Variants in KLHL26 observed in about 807,000 individuals in gnomAD.
KLHL26 encodes kelch like family member 26.
KLHL26 carries 4 observed loss-of-function variants against 7.1 expected under a neutral mutation model. That is an observed-to-expected ratio of 0.56 (90% confidence interval 0.28 to 1.28). The LOEUF is 1.28. Among genes scored for constraint, KLHL26 ranks in the 50% most tolerant of loss-of-function variants. KLHL26 has a pLI of 0.11. For synonymous variants in KLHL26, 465 were observed against 414.1 expected (o/e 1.12, Z -1.49); for missense variants, 896 against 924.6 (o/e 0.97, Z 0.40).
At position 18,668,121 on chromosome 19, in the gene KLHL26, C is replaced by T. The variant is rs544827583; in HGVS notation, c.724C>T (p.Pro242Ser). 6.2e-6 allele frequency: 10 copies of T among 1,601,196 alleles called. No homozygotes were observed. The highest frequency in any genetic ancestry group is 2.2e-5 in the East Asian group (1 of 44,802). The change falls in exon 3 of 3, where the codon CCG becomes TCG. Residue 242 changes from proline (P) to serine (S), a missense_variant. Coordinates refer to ENST00000300976, the MANE Select transcript of KLHL26 (RefSeq NM_018316.3). ...RWLQHDPARR[P>S]RASHVLCHIR... ...GCTGCAGCATGACCCGGCCCGGCGG[C>T]CGCGCGCCAGCCACGTGCTCTGCCA... is the stretch of plus-strand genomic sequence containing the variant.
chr19:18,667,254 TG>T, intron 2 of KLHL26: 1 of 261,894 alleles, frequency 3.8e-6, no homozygotes, highest in South Asian at 4.5e-5. Flanking sequence ...AGGTTGGTCT[TG>T]AACTCCTGAC....
rs960566224 is a variant in KLHL26 at position 18,649,825 on chromosome 19, C to T, written c.83+12688C>T. On this transcript the variant is annotated intron_variant, in intron 1 of 2. Transcript: ENST00000300976. This position sits in a 1 kb window ranked among gnomAD's most constrained non-coding sequence, Gnocchi z 4.0. ...GCACAGAATTCACAGGACTCGTCTC[C>T]AACGGCTGCGCCAGCAATTCCCTAG... 6.6e-6 allele frequency among the ~76,000 whole-genome samples: 1 copy of T among 152,320 alleles called. No individual in the cohort carries two copies. Among genetic ancestry groups the T allele is most frequent in the Middle Eastern group, 3.4e-3 (1 of 294 alleles).
In KLHL26 at chr19:18,668,251, T is replaced by TC; in HGVS notation, c.855dup (p.Asn286GlnfsTer50). ...TGCCGCCAGTATCTGCTGGAGGCCT[T>TC]CAACTACCAGGTGCTGCCCTTCCGG... On this transcript the variant is annotated frameshift_variant, in exon 3 of 3. Coordinates refer to ENST00000300976, the MANE Select transcript of KLHL26 (RefSeq NM_018316.3). LOFTEE classifies it low-confidence loss of function (END_TRUNC). The TC allele has an allele frequency of 6.2e-7, 1 of 1,612,210 alleles. No individual in the cohort carries two copies. The highest frequency in any genetic ancestry group is 8.5e-7 in the Non-Finnish European group (1 of 1,179,864).
At position 18,668,867 on chromosome 19, in the gene KLHL26, C is replaced by A. The variant is rs753544205; in HGVS notation, c.1470C>A (p.Phe490Leu). Residue 490 changes from phenylalanine to leucine, a missense_variant, in exon 3 of 3, where the codon TTC becomes TTA. Coordinates refer to ENST00000300976, the MANE Select transcript of KLHL26 (RefSeq NM_018316.3). The part of the protein sequence containing the change: ...CYDPVADQWE[F>L]KAPMSEPRVL... ...ACCCCGTGGCCGACCAGTGGGAGTT[C>A]AAGGCGCCCATGAGCGAACCCCGCG... is the stretch of plus-strand genomic sequence containing the variant. The A allele has an allele frequency of 1.3e-6, 2 of 1,593,538 alleles. No homozygotes were observed. Among genetic ancestry groups the A allele is most frequent in the Admixed American group, 1.7e-5 (1 of 59,548 alleles).
chr19:18,652,606 AAAG>A (rs2052272687), intron 1 of KLHL26, among the ~76,000 whole-genome samples: 1 of 150,250 alleles, frequency 6.7e-6, no homozygotes, highest in Admixed American at 6.6e-5. Flanking sequence ...AAAAAAAAAA[AAAG>A]AGTTGGGCTC....
In KLHL26 at chr19:18,660,664, G is replaced by A. The variant is rs143109635; in HGVS notation, c.84-3597G>A. 1.8e-4 allele frequency among the ~76,000 whole-genome samples: 28 copies of A among 152,204 alleles called. No homozygotes were observed. The East Asian group carries it at 5.2e-3, about 28-fold the overall frequency. ...CCCACCTCCGCCCAGGCTGCGTCTC[G>A]CTTCTCCGTCCAGGCTGGGGGACTC... is the stretch of plus-strand genomic sequence containing the variant. On this transcript the variant is annotated intron_variant, in intron 1 of 2. Transcript: ENST00000300976.
In KLHL26 at chr19:18,656,227, G is replaced by C. The variant is rs1191137726; in HGVS notation, c.84-8034G>C. 6.6e-6 allele frequency among the ~76,000 whole-genome samples: 1 copy of C among 152,218 alleles called. No homozygotes were observed. The highest frequency in any genetic ancestry group is 1.5e-5 in the Non-Finnish European group (1 of 68,038). ...GACGGGCCTCAGCTTTCTGCTCCCA[G>C]CTCTGTGGGCTTCACCTCTCAACCT... On this transcript the variant is annotated intron_variant, in intron 1 of 2. Coordinates refer to ENST00000300976, the MANE Select transcript of KLHL26 (RefSeq NM_018316.3). The surrounding 1 kb of genome is among the most constrained non-coding windows in gnomAD (Gnocchi z 4.4).
chr19:18,657,269 A>G lies in KLHL26; in HGVS notation c.84-6992A>G, dbSNP rs370982099. On this transcript the variant is annotated intron_variant, in intron 1 of 2. Transcript: ENST00000300976. Reference sequence around the variant, plus strand: ...TCTGTGTCTCCCTGTCTCTGTCATGAGACAGGGTCATGAGAGAAGGTATCA... The same window carrying G: ...TCTGTGTCTCCCTGTCTCTGTCATGGGACAGGGTCATGAGAGAAGGTATCA... Among the ~76,000 whole-genome samples, 3 of 133,194 alleles carry G rather than the reference A, an allele frequency of 2.3e-5. No homozygotes were observed. The South Asian group carries it at 7.2e-4, about 32-fold the overall frequency. The allele number at this position is 133,194 out of a possible 152,430, so 87.4% of individuals were successfully genotyped here. A position where few individuals can be genotyped will look rare whatever the true frequency, so the allele number is the denominator to read the frequency against.
chr19:18,666,032 C>T (rs2052444817), intron 2 of KLHL26, among the ~76,000 whole-genome samples: 1 of 152,242 alleles, frequency 6.6e-6, no homozygotes, highest in South Asian at 2.1e-4. Context: ...TAAAGGCTCC[C>T]CTGTGCTGGC....
At chr19:18,644,097 A>G (rs1976761350) in intron 1 of KLHL26, among the ~76,000 whole-genome samples, 1 of 152,200 alleles carries the variant, frequency 6.6e-6, no homozygotes, top group Non-Finnish European at 1.5e-5. Flanking sequence ...CCAGCCCCTG[A>G]CAATCACCAA....
chr19:18,639,323 G>C (rs573750439), intron 1 of KLHL26, among the ~76,000 whole-genome samples: 1 of 150,906 alleles, frequency 6.6e-6, no homozygotes, highest in African/African-American at 2.4e-5. Flanking sequence ...TGATCCACCC[G>C]CCTCGGCCTC....
In KLHL26 at chr19:18,668,288, G is replaced by T. The variant is rs1305793181; in HGVS notation, c.891G>T (p.Met297Ile). The T allele has an allele frequency of 6.2e-7, 1 of 1,611,850 alleles. No individual in the cohort carries two copies. The highest frequency in any genetic ancestry group is 8.5e-7 in the Non-Finnish European group (1 of 1,179,848). Residue 297 changes from methionine (M) to isoleucine (I), a missense_variant, in exon 3 of 3, where the codon ATG (methionine) becomes ATT (isoleucine). Met to Ile is a conservative substitution (Grantham distance 10, BLOSUM62 1). Transcript: ENST00000300976. ...YQVLPFRQHEMQSPRTAVRSD... is the reference protein window; with the variant it reads ...YQVLPFRQHEIQSPRTAVRSD... ...TGCTGCCCTTCCGGCAGCACGAGAT[G>T]CAGTCTCCGCGCACCGCCGTGCGCT...
At chr19:18,663,079 C>T (rs1440699982) in intron 1 of KLHL26, among the ~76,000 whole-genome samples, 2 of 152,226 alleles carry the variant, frequency 1.3e-5, no homozygotes. Context: ...TGGCATTGGG[C>T]TCTGAGTAGC....
In KLHL26 at chr19:18,668,770, C is replaced by A; in HGVS notation, c.1373C>A (p.Ser458Ter). The change falls in exon 3 of 3, where the codon TCA becomes TAA. Residue 458 changes from serine (S) to a stop codon, truncating the protein, a stop_gained. Transcript: ENST00000300976. LOFTEE classifies it low-confidence loss of function (END_TRUNC). ...ACCTGGGGCCATGCTGGGGCCGCCTCAGGGGGCCGCCTCTACATCTCGGGT... is the reference window on the plus strand; with the variant it reads ...ACCTGGGGCCATGCTGGGGCCGCCTAAGGGGGCCGCCTCTACATCTCGGGT... ...RRTWGHAGAA[S>*]GGRLYISGGY... 6.3e-7 allele frequency: 1 copy of A among 1,593,790 alleles called. No individual in the cohort carries two copies. The highest frequency in any genetic ancestry group is 8.5e-7 in the Non-Finnish European group (1 of 1,176,776).
Position 18,667,724 on chromosome 19 carries a change from G to A in KLHL26, c.327G>A (p.Val109=), listed in dbSNP as rs761498851. The A allele has an allele frequency of 8.1e-6, 13 of 1,613,180 alleles. No individual in the cohort carries two copies. The highest frequency in any genetic ancestry group is 1.3e-5 in the African/African-American group (1 of 75,072). The change falls in exon 3 of 3, where the codon GTG becomes GTA. Residue 109 remains valine (V), a synonymous_variant. Transcript: ENST00000300976. ...ASQDVIELKG[V]SARGLRHIID... is the part of the protein sequence containing the mutation. ...AGGACGTCATCGAGCTGAAGGGCGT[G>A]TCGGCCCGTGGCCTGCGGCACATCA...
At chr19:18,660,845 C>T (rs554293525) in intron 1 of KLHL26, among the ~76,000 whole-genome samples, 1 of 152,294 alleles carries the variant, frequency 6.6e-6, no homozygotes, top group East Asian at 1.9e-4. Context: ...CCATGTGGAA[C>T]GCGTCAGGCA....
intron 1 of KLHL26, among the ~76,000 whole-genome samples, chr19:18,645,257 G>T (rs1214553264): frequency 6.6e-6 from 1 of 152,204 alleles, no homozygotes; most frequent in Non-Finnish European, 1.5e-5. Context: ...CACTTGGGGT[G>T]TCGCAAGGGG....
chr19:18,647,764 G>C (rs11085237), intron 1 of KLHL26, among the ~76,000 whole-genome samples: 56,224 of 151,982 alleles, frequency 0.37, 10,886 homozygotes, highest in East Asian at 0.49. Flanking sequence ...CTGGAAGAAG[G>C]GGGTGGGATC....
chr19:18,647,622 AGAG>A (rs906456299), intron 1 of KLHL26, among the ~76,000 whole-genome samples: 2 of 150,268 alleles, frequency 1.3e-5, no homozygotes, highest in African/African-American at 2.5e-5. Flanking sequence ...AAGAGGAGGA[AGAG>A]GAGGAGGAAG....
Sources: allele counts gnomAD v4.1 joint callset (sites outside exome capture counted in the v4.1 genomes callset), GRCh38; gene constraint gnomAD v4.1.1; non-coding constraint Gnocchi (gnomAD v3.1); transcripts MANE v1.5; gene names NCBI Gene and HGNC (gene_info 2026-07-23, HGNC 2026-07-21).